NPAS4: variants seen among roughly 807,000 people sequenced by gnomAD.
NPAS4 encodes the protein neuronal PAS domain-containing protein 4.
In NPAS4, 10 loss-of-function variants were observed where a neutral mutation model predicts 64.0. The observed-to-expected ratio is 0.16, with a 90% CI of 0.10 to 0.26. The LOEUF is 0.26. Ranked by LOEUF, NPAS4 falls within the 10% of genes least tolerant of loss-of-function variation. The pLI, the probability that NPAS4 is intolerant of heterozygous loss-of-function variation, is 1.00. For synonymous variants in NPAS4, 441 were observed against 411.7 expected, an observed-to-expected ratio of 1.07 and a Z score of -0.86; for missense variants, 886 against 992.6, an observed-to-expected ratio of 0.89 and a Z score of 1.44.
chr11:66,421,814 C>A (rs113622311), intron 1 of NPAS4, among the ~76,000 whole-genome samples: 7 of 152,342 alleles, frequency 4.6e-5, no homozygotes, highest in African/African-American at 1.4e-4. Flanking sequence ...GTTCTGAACC[C>A]ACAGTCGGCT....
At chr11:66,415,047 A>G in the NPAS4 span, among the ~76,000 whole-genome samples, 1 of 152,028 alleles carries the variant, frequency 6.6e-6, no homozygotes, top group Admixed American at 6.6e-5. Context: ...CCATATGTAA[A>G]TTTTGTCTTC....
upstream of NPAS4, among the ~76,000 whole-genome samples, chr11:66,420,761 T>A (rs1304565195): frequency 6.6e-6 from 1 of 152,190 alleles, no homozygotes; most frequent in Non-Finnish European, 1.5e-5. Context: ...CATTCAAGCT[T>A]TCCTAACGCA....
the NPAS4 span, chr11:66,410,522 G>C: frequency 6.6e-6 from 1 of 152,306 alleles, no homozygotes; most frequent in South Asian, 2.1e-4. Flanking sequence ...CAGCAAGTCA[G>C]GGTGCCGCTA....
chr11:66,421,820 C>T (rs974541463), intron 1 of NPAS4, among the ~76,000 whole-genome samples: 1 of 152,230 alleles, frequency 6.6e-6, no homozygotes, highest in Admixed American at 6.5e-5. Flanking sequence ...AACCCACAGT[C>T]GGCTTCGGAG....
intron 1 of NPAS4, 122 bp downstream of exon 1, chr11:66,421,476 G>C: frequency 1.2e-6 from 1 of 812,220 alleles, no homozygotes; most frequent in Admixed American, 2.5e-5. Flanking sequence ...GGAGATTCGG[G>C]ACTCGGGAGA....
intron 1 of NPAS4, among the ~76,000 whole-genome samples, chr11:66,421,576 C>T (rs891655968): frequency 6.6e-6 from 1 of 152,240 alleles, no homozygotes; most frequent in Non-Finnish European, 1.5e-5. Flanking sequence ...GTGTCCCTAA[C>T]ACCAGATTAT....
At chr11:66,425,918 AT>A in intron 7 of NPAS4, 42 bp from the exon 8 acceptor site, 13 of 1,499,360 alleles carry the variant, frequency 8.7e-6, no homozygotes, top group Non-Finnish European at 1.2e-5. Flanking sequence ...CTCTGTGCTA[AT>A]TGGTCTAACT....
chr11:66,410,006 A>G, the NPAS4 span: 1 of 152,222 alleles, frequency 6.6e-6, no homozygotes, highest in Non-Finnish European at 1.5e-5. Context: ...CTGGAACCAA[A>G]CATTTCCCCA....
chr11:66,414,000 C>A, the NPAS4 span, among the ~76,000 whole-genome samples: 1 of 152,308 alleles, frequency 6.6e-6, no homozygotes, highest in East Asian at 1.9e-4. Flanking sequence ...CATGCCTGAG[C>A]CCCTGCCCTG....
chr11:66,416,756 C>G (rs534683685), upstream of NPAS4: 3 of 152,472 alleles, frequency 2.0e-5, no homozygotes, highest in Admixed American at 2.0e-4. Context: ...TCTCTCCCCA[C>G]TTCCCTTCCC....
Position 66,424,269 on chromosome 11 carries a change from C to A in NPAS4, c.1379C>A (p.Thr460Asn). The A allele has an allele frequency of 6.2e-7, 1 of 1,614,160 alleles. No individual in the cohort carries two copies. The highest frequency in any genetic ancestry group is 8.5e-7 in the Non-Finnish European group (1 of 1,180,048). ...TPSSTLQEQL[T>N]PSTATFSDQL... The stretch of plus-strand genomic sequence containing the variant: ...TCCAGCACTCTTCAAGAACAGCTGA[C>A]TCCAAGCACTGCGACCTTCTCTGAT... Residue 460 changes from threonine (T) to asparagine (N), a missense_variant, in exon 7 of 8, where the codon ACT (threonine) becomes AAT (asparagine). By Grantham distance (65) the Thr-to-Asn change is moderately conservative. This residue lies in a region of NPAS4 where 820 missense variants were observed against 855.5 expected (regional missense o/e 0.96). Coordinates refer to ENST00000311034, the MANE Select transcript of NPAS4 (RefSeq NM_178864.4).
chr11:66,423,537 G>T, intron 5 of NPAS4, 41 bp from the exon 6 acceptor site: 1 of 1,611,470 alleles, frequency 6.2e-7, no homozygotes, highest in Non-Finnish European at 8.5e-7. Flanking sequence ...AGGTAGAATT[G>T]CCTGGTGGAC....
intron 5 of NPAS4, 53 bp from the exon 6 acceptor site, chr11:66,423,525 G>A: frequency 6.2e-7 from 1 of 1,605,642 alleles, no homozygotes; most frequent in South Asian, 1.1e-5. Flanking sequence ...AGGGTGGGGA[G>A]TAGGTAGAAT....
intron 1 of NPAS4, 127 bp downstream of exon 1, chr11:66,421,481 G>A: frequency 2.7e-6 from 2 of 752,044 alleles, no homozygotes; most frequent in Non-Finnish European, 4.4e-6. Flanking sequence ...TTCGGGACTC[G>A]GGAGATTCGG....
In NPAS4 at chr11:66,426,056, C is replaced by A. The variant is rs1315787707; in HGVS notation, c.*67C>A. On this transcript the variant is annotated 3_prime_UTR_variant, in exon 8 of 8. Transcript: ENST00000311034. ...ATCAAGACGTGGAGCCGCTCTCCAC[C>A]CCCCCGGGACTGTTGGGGGGATTCT... 8.4e-7 allele frequency: 1 copy of A among 1,191,650 alleles called. No homozygotes were observed. Among genetic ancestry groups the A allele is most frequent in the Non-Finnish European group, 1.3e-6 (1 of 796,120 alleles). The allele number at this position is 1,191,650 out of a possible 1,614,324, so 73.8% of individuals were successfully genotyped here.
At chr11:66,415,254 G>A in the NPAS4 span, among the ~76,000 whole-genome samples, 1 of 152,164 alleles carries the variant, frequency 6.6e-6, no homozygotes, top group African/African-American at 2.4e-5. Flanking sequence ...AAACCAATAA[G>A]GAGCCTGACC....
intron 7 of NPAS4, 94 bp downstream of exon 7, chr11:66,425,364 T>A: frequency 1.6e-6 from 1 of 639,670 alleles, no homozygotes; most frequent in Middle Eastern, 2.5e-4. Context: ...TCTCTGTACA[T>A]TGATTTTATT....
At chr11:66,417,529 G>T (rs1034189998), upstream of NPAS4, among the ~76,000 whole-genome samples, 2 of 152,122 alleles carry the variant, frequency 1.3e-5, no homozygotes, top group African/African-American at 4.8e-5. Flanking sequence ...CTTTGCAAAT[G>T]GTTAGGGGGC....
At position 66,424,999 on chromosome 11, in the gene NPAS4, G is replaced by A. The variant is rs147413337; in HGVS notation, c.2109G>A (p.Met703Ile). ...ELDFLADPDN[M>I]FLEETPVEDI... is the part of the protein sequence containing the mutation. ...ACTTCCTGGCTGACCCTGATAACAT[G>A]TTCCTGGAAGAGACGCCCGTGGAAG... Residue 703 changes from methionine (M) to isoleucine (I), a missense_variant, in exon 7 of 8, where the codon ATG (methionine) becomes ATA (isoleucine). By Grantham distance (10) the Met-to-Ile change is conservative. Around this residue, in one of 3 missense-constraint regions of NPAS4, gnomAD observed 820 missense variants for 855.5 expected, o/e 0.96. Transcript: ENST00000311034. 77 of 1,613,988 alleles carry A rather than the reference G, an allele frequency of 4.8e-5. No homozygotes were observed. Among genetic ancestry groups the A allele is most frequent in the Non-Finnish European group, 8.5e-6 (10 of 1,180,016 alleles).
Sources: allele counts gnomAD v4.1 joint callset (sites outside exome capture counted in the v4.1 genomes callset), GRCh38; gene constraint gnomAD v4.1.1; regional missense constraint gnomAD v4.1.1; transcripts MANE v1.5; gene names NCBI Gene and HGNC (gene_info 2026-07-23, HGNC 2026-07-21).